The following PIP5K1C variants were observed in gnomAD, a reference collection of about 807,000 sequenced individuals.
PIP5K1C encodes the protein phosphatidylinositol-4-phosphate 5-kinase type 1 gamma.
Under a neutral mutation model 80.1 loss-of-function variants are expected in PIP5K1C, and 45 were observed. That is an observed-to-expected ratio of 0.56 (90% CI 0.44 to 0.72). The LOEUF is 0.72. PIP5K1C is among the 30% of genes least tolerant of loss of function. The pLI is 0.00. For missense variants in PIP5K1C, 753 were observed against 954.6 expected (o/e 0.79, Z 2.78); for synonymous variants, 498 against 420.1 (o/e 1.19, Z -2.27).
chr19:3,650,759 CTTTT>C (rs547652546), intron 8 of PIP5K1C, among the ~76,000 whole-genome samples: 1 of 151,864 alleles, frequency 6.6e-6, no homozygotes, highest in Non-Finnish European at 1.5e-5. Flanking sequence ...GTGGCAGCCA[CTTTT>C]TTTTTCTTTT....
intron 16 of PIP5K1C, chr19:3,638,133 G>A (rs2033785283): frequency 8.1e-7 from 1 of 1,235,906 alleles, no homozygotes; most frequent in South Asian, 1.6e-5. Flanking sequence ...AACCATCTGG[G>A]AAGTGGGCTG....
At chr19:3,699,341 G>A (rs1418450848) in intron 1 of PIP5K1C, among the ~76,000 whole-genome samples, 2 of 142,356 alleles carry the variant, frequency 1.4e-5, no homozygotes, top group African/African-American at 2.5e-5. Flanking sequence ...GGGGGGTGGG[G>A]GGGGGACTTG....
intron 1 of PIP5K1C, among the ~76,000 whole-genome samples, chr19:3,694,066 G>C (rs895212826): frequency 2.6e-5 from 4 of 152,010 alleles, no homozygotes; most frequent in African/African-American, 9.7e-5. Context: ...CAAAACATTA[G>C]CCGGGCGTAG....
At chr19:3,639,637 G>A (rs1039423735) in intron 15 of PIP5K1C, among the ~76,000 whole-genome samples, 1 of 150,288 alleles carries the variant, frequency 6.7e-6, no homozygotes, top group Non-Finnish European at 1.5e-5. Context: ...TCACTATGTT[G>A]CCCAGGCTGG....
chr19:3,656,632 A>G lies in PIP5K1C; in HGVS notation c.469-75T>C, dbSNP rs534111038. 12 of 1,543,936 alleles carry G rather than the reference A, an allele frequency of 7.8e-6. No homozygotes were observed. In the East Asian group the frequency reaches 2.7e-4, roughly 35 times the overall value. On this transcript the variant is annotated intron_variant, in intron 5 of 17. Transcript: ENST00000335312. Reference sequence around the variant, plus strand: ...GACAGCACTGGCTTCCGGTCTGCCCAACAGCCCCAGGAACTGATGACGGGT... The same window carrying G: ...GACAGCACTGGCTTCCGGTCTGCCCGACAGCCCCAGGAACTGATGACGGGT...
Position 3,633,006 on chromosome 19 carries a change from A to AG in PIP5K1C, c.*160dup, listed in dbSNP as rs1441062033. The AG allele has an allele frequency of 1.9e-5, 10 of 536,748 alleles. No individual in the cohort carries two copies. 33.2% of individuals were successfully genotyped at this position (536,748 alleles called of 1,614,324 possible). A position where few individuals can be genotyped will look rare whatever the true frequency, so the allele number is the denominator to read the frequency against. ...CGGGGCCCTGGGAGGCTTGTCGGGGAGGGGCCCGGCCGTCGGCATCCGTGC... is the reference window on the plus strand; with the variant it reads ...CGGGGCCCTGGGAGGCTTGTCGGGGAGGGGGCCCGGCCGTCGGCATCCGTGC... On this transcript the variant is annotated 3_prime_UTR_variant, in exon 18 of 18. Transcript: ENST00000335312.
chr19:3,661,908 G>A lies in PIP5K1C; in HGVS notation c.313C>T (p.Gln105Ter). 2.5e-6 allele frequency: 4 copies of A among 1,612,878 alleles called. No homozygotes were observed. Among genetic ancestry groups the A allele is most frequent in the Non-Finnish European group, 3.4e-6 (4 of 1,179,990 alleles). The change falls in exon 4 of 18, where the codon CAG (glutamine) becomes TAG (stop). Residue 105 changes from glutamine to a stop codon, truncating the protein, a stop_gained. Coordinates refer to ENST00000335312, the MANE Select transcript of PIP5K1C (RefSeq NM_012398.3). LOFTEE classifies it high-confidence loss of function. The stretch of plus-strand genomic sequence containing the variant: ...ATGCTCTCCACCACGTAGAAGTCCT[G>A]CATGAGCACGTCGCGTTCGGGCTTG... ...SSKPERDVLM[Q>*]DFYVVESIFF...
chr19:3,637,794 T>C lies in PIP5K1C; in HGVS notation c.1920+1090A>G. 3 of 1,534,326 alleles carry C rather than the reference T, an allele frequency of 2.0e-6. No individual in the cohort carries two copies. Among genetic ancestry groups the C allele is most frequent in the Non-Finnish European group, 2.6e-6 (3 of 1,146,586 alleles). On this transcript the variant is annotated intron_variant, in intron 16 of 17. Coordinates refer to ENST00000335312, the MANE Select transcript of PIP5K1C (RefSeq NM_012398.3). This position sits in a 1 kb window ranked among gnomAD's most constrained non-coding sequence, Gnocchi z 7.0. ...GCAGGGGCAGGACCGAGGACCCTTC[T>C]CCCTTCTCTGCTGCCCACCTGGCAG...
intron 15 of PIP5K1C, among the ~76,000 whole-genome samples, chr19:3,640,013 T>C (rs143013824): frequency 7.2e-4 from 109 of 152,318 alleles, no homozygotes; most frequent in Non-Finnish European, 9.3e-4. Flanking sequence ...GGTTTGGCAA[T>C]GGCAAAGAGT....
chr19:3,699,124 G>A (rs370237705), intron 1 of PIP5K1C, among the ~76,000 whole-genome samples: 48 of 152,154 alleles, frequency 3.2e-4, no homozygotes, highest in African/African-American at 1.0e-3. Flanking sequence ...GGCTGACAGC[G>A]GAAGTTGGGG....
intron 1 of PIP5K1C, among the ~76,000 whole-genome samples, chr19:3,695,729 CTTTT>C (rs35334182): frequency 7.6e-6 from 1 of 130,978 alleles, no homozygotes; most frequent in African/African-American, 2.9e-5. Flanking sequence ...CCCACTGACC[CTTTT>C]TTTTTTTTTT....
intron 16 of PIP5K1C, 73 bp from the exon 17 acceptor site, chr19:3,633,593 G>A (rs1032647315): frequency 3.9e-6 from 4 of 1,021,984 alleles, no homozygotes; most frequent in Admixed American, 6.5e-5. Context: ...GGCAGAGGGA[G>A]GAAGGAAGAG....
At chr19:3,641,666 C>T in intron 15 of PIP5K1C, 39 bp downstream of exon 15, 1 of 1,499,474 alleles carries the variant, frequency 6.7e-7, no homozygotes, top group Non-Finnish European at 9.2e-7. Context: ...GGGCCCGCAG[C>T]AGGTGGGCGC....
At chr19:3,693,977 C>G (rs1415353028) in intron 1 of PIP5K1C, among the ~76,000 whole-genome samples, 1 of 152,042 alleles carries the variant, frequency 6.6e-6, no homozygotes, top group East Asian at 1.9e-4. Flanking sequence ...CTTTGGGAGG[C>G]TGAGGCGGGC....
intron 13 of PIP5K1C, 52 bp downstream of exon 13, chr19:3,643,191 C>T (rs1485592999): frequency 8.1e-6 from 13 of 1,607,966 alleles, no homozygotes; most frequent in African/African-American, 2.7e-5. Context: ...AATGCCCCGC[C>T]CCCACGCACA....
chr19:3,695,373 G>C (rs2036070803), intron 1 of PIP5K1C, among the ~76,000 whole-genome samples: 1 of 152,224 alleles, frequency 6.6e-6, no homozygotes, highest in South Asian at 2.1e-4. Flanking sequence ...TGGGACGGAG[G>C]GGGCACCCAG....
intron 7 of PIP5K1C, among the ~76,000 whole-genome samples, 191 bp downstream of exon 7, chr19:3,653,099 G>C (rs527720054): frequency 7.9e-5 from 12 of 152,204 alleles, no homozygotes; most frequent in Non-Finnish European, 1.6e-4. Flanking sequence ...CACTGTGTCC[G>C]GCCACATTTT....
In PIP5K1C at chr19:3,633,507, C is replaced by G. The variant is rs1287442085; in HGVS notation, c.1934G>C (p.Arg645Thr). 2.0e-6 allele frequency: 3 copies of G among 1,495,818 alleles called. No homozygotes were observed. Among genetic ancestry groups the G allele is most frequent in the Non-Finnish European group, 8.9e-7 (1 of 1,117,800 alleles). The allele number at this position is 1,495,818 out of a possible 1,614,324, so 92.7% of individuals were successfully genotyped here. Residue 645 changes from arginine (R) to threonine (T), a missense_variant, in exon 17 of 18, where the codon AGG (arginine) becomes ACG (threonine). By Grantham distance (71) the Arg-to-Thr change is moderately conservative (BLOSUM62 -1). Coordinates refer to ENST00000335312, the MANE Select transcript of PIP5K1C (RefSeq NM_012398.3). ...ATDIYFPTDE[R>T]SWVYSPLHYS... ...GTGGAGCGGGGAGTACACCCAGCTCCTCTCATCGGTGGGCTGGCAGGTGGG... is the reference window on the plus strand; with the variant it reads ...GTGGAGCGGGGAGTACACCCAGCTCGTCTCATCGGTGGGCTGGCAGGTGGG...
rs576960979 is a variant in PIP5K1C at position 3,662,071 on chromosome 19, G to C, written c.220-70C>G. ...CTGCCCTGCACCCCCTGTGTGCACCGGGGGGTGGAGATCGTGACCAGCTGC... is the reference window on the plus strand; with the variant it reads ...CTGCCCTGCACCCCCTGTGTGCACCCGGGGGTGGAGATCGTGACCAGCTGC... On this transcript the variant is annotated intron_variant, in intron 3 of 17. Transcript: ENST00000335312. 11 of 1,497,842 alleles carry C rather than the reference G, an allele frequency of 7.3e-6. No individual in the cohort carries two copies. In the South Asian group the frequency reaches 9.6e-5, roughly 13 times the overall value. The allele number at this position is 1,497,842 out of a possible 1,614,324, so 92.8% of individuals were successfully genotyped here.
Sources: allele counts gnomAD v4.1 joint callset (sites outside exome capture counted in the v4.1 genomes callset), GRCh38; gene constraint gnomAD v4.1.1; non-coding constraint Gnocchi (gnomAD v3.1); transcripts MANE v1.5; gene names NCBI Gene and HGNC (gene_info 2026-07-23, HGNC 2026-07-21).